The following MAML3 variants were observed in gnomAD, a reference collection of about 807,000 sequenced individuals.
The protein encoded by MAML3 is mastermind like transcriptional coactivator 3.
In MAML3, 27 loss-of-function variants were observed where a neutral mutation model predicts 101.9. That is an observed-to-expected ratio of 0.27 (90% confidence interval 0.20 to 0.37). The LOEUF (loss-of-function observed/expected upper bound fraction) is 0.37. MAML3 is among the 10% of genes least tolerant of loss of function. MAML3 has a pLI of 1.00. For synonymous variants in MAML3, 501 were observed against 555.9 expected, an observed-to-expected ratio of 0.90 and a Z score of 1.39; for missense variants, 1,316 against 1,444.9, an observed-to-expected ratio of 0.91 and a Z score of 1.45.
chr4:139,974,490 T>A (rs896180454), intron 1 of MAML3, among the ~76,000 whole-genome samples: 1 of 152,198 alleles, frequency 6.6e-6, no homozygotes, highest in African/African-American at 2.4e-5. Flanking sequence ...TAAGGCATGT[T>A]ATCATTCCTT....
intron 1 of MAML3, among the ~76,000 whole-genome samples, chr4:140,071,755 TAGAG>T (rs11268401): frequency 0.056 from 7,664 of 137,214 alleles, 220 homozygotes; most frequent in Non-Finnish European, 0.077. Flanking sequence ...GGACCAGGAT[TAGAG>T]AGAGAGAGAG....
At chr4:139,987,031 G>A (rs1187361520) in intron 1 of MAML3, among the ~76,000 whole-genome samples, 2 of 152,152 alleles carry the variant, frequency 1.3e-5, no homozygotes, top group Admixed American at 6.5e-5. Context: ...GAGGGCTGCC[G>A]ACCTGCCACT....
At chr4:140,074,345 C>T (rs116278412) in intron 1 of MAML3, among the ~76,000 whole-genome samples, 412 of 152,266 alleles carry the variant, frequency 2.7e-3, no homozygotes, top group African/African-American at 9.0e-3. Context: ...CTACCAGCAA[C>T]CCCCTGGTCC....
chr4:140,124,110 G>A (rs1410838772), intron 1 of MAML3, among the ~76,000 whole-genome samples: 6 of 152,194 alleles, frequency 3.9e-5, no homozygotes, highest in Admixed American at 2.0e-4. Flanking sequence ...ACCTTGAGTA[G>A]TCAAAATGCC....
chr4:139,776,560 CT>C (rs966917729), intron 2 of MAML3, among the ~76,000 whole-genome samples: 1 of 152,188 alleles, frequency 6.6e-6, no homozygotes, highest in African/African-American at 2.4e-5. Flanking sequence ...ATCAGAGGCT[CT>C]TAGGTAGACT....
intron 1 of MAML3, among the ~76,000 whole-genome samples, chr4:139,910,691 G>T (rs189285052): frequency 2.1e-3 from 322 of 152,208 alleles, no homozygotes; most frequent in African/African-American, 7.2e-3. Context: ...AGGAAAAAAG[G>T]CATCATAGGT....
intron 2 of MAML3, among the ~76,000 whole-genome samples, chr4:139,741,078 C>A (rs565568587): frequency 6.6e-6 from 1 of 152,314 alleles, no homozygotes; most frequent in South Asian, 2.1e-4. Context: ...TTTCCCCACC[C>A]TCGGCCCCCA....
At chr4:139,940,307 TTTCTC>T (rs1733578354) in intron 1 of MAML3, among the ~76,000 whole-genome samples, 2 of 152,202 alleles carry the variant, frequency 1.3e-5, no homozygotes, top group Non-Finnish European at 1.5e-5. Flanking sequence ...GGAAGCTTGT[TTTCTC>T]TACGTGTATC....
intron 1 of MAML3, among the ~76,000 whole-genome samples, chr4:140,017,899 T>C (rs1465177146): frequency 2.0e-5 from 3 of 151,990 alleles, no homozygotes; most frequent in South Asian, 2.1e-4. Context: ...TATTATAGTT[T>C]TTTAAAATAT....
intron 2 of MAML3, among the ~76,000 whole-genome samples, chr4:139,885,793 C>T (rs562112258): frequency 2.0e-5 from 3 of 149,282 alleles, no homozygotes; most frequent in Non-Finnish European, 3.0e-5. Context: ...ATTAGCCAGG[C>T]GTGCCGGCAG....
chr4:139,801,055 G>C (rs1275323695), intron 2 of MAML3, among the ~76,000 whole-genome samples: 1 of 152,212 alleles, frequency 6.6e-6, no homozygotes, highest in African/African-American at 2.4e-5. Context: ...GATCCAGTTG[G>C]AATCTGCTTA....
chr4:139,885,767 C>CAA (rs372757658), intron 2 of MAML3, among the ~76,000 whole-genome samples: 8 of 131,666 alleles, frequency 6.1e-5, no homozygotes, highest in African/African-American at 2.0e-4. Context: ...ACTAAACATA[C>CAA]AAAAAAAAAA....
At chr4:139,828,288 T>C (rs1731097772) in intron 2 of MAML3, among the ~76,000 whole-genome samples, 1 of 152,098 alleles carries the variant, frequency 6.6e-6, no homozygotes, top group Non-Finnish European at 1.5e-5. Flanking sequence ...CCTGAGCTTC[T>C]TAAAAAGCAT....
intron 2 of MAML3, among the ~76,000 whole-genome samples, chr4:139,743,622 T>C (rs545788666): frequency 2.0e-5 from 3 of 152,286 alleles, no homozygotes; most frequent in South Asian, 4.1e-4. Context: ...ACCTGGAAAC[T>C]GAACTTGAAA....
intron 1 of MAML3, among the ~76,000 whole-genome samples, chr4:140,147,547 G>A (rs190429617): frequency 2.6e-3 from 396 of 152,258 alleles, no homozygotes; most frequent in Non-Finnish European, 3.1e-3. Flanking sequence ...AGCAGCCAGG[G>A]GATCTGAAAA....
chr4:140,007,758 A>G (rs1262981794), intron 1 of MAML3, among the ~76,000 whole-genome samples: 1 of 152,114 alleles, frequency 6.6e-6, no homozygotes, highest in East Asian at 1.9e-4. Context: ...CCAGGCTGCA[A>G]TTCTTGACCC....
chr4:139,898,778 C>A (rs551775888), intron 1 of MAML3, among the ~76,000 whole-genome samples: 2 of 152,298 alleles, frequency 1.3e-5, no homozygotes, highest in African/African-American at 4.8e-5. Flanking sequence ...AGCCTATGAA[C>A]ACATGGATGA....
chr4:139,727,299 G>C (rs1200171085), intron 3 of MAML3, among the ~76,000 whole-genome samples: 1 of 152,206 alleles, frequency 6.6e-6, no homozygotes, highest in East Asian at 1.9e-4. Context: ...TTAAAGTGTA[G>C]ACAAGAAACC....
chr4:139,969,514 G>A (rs1320452566), intron 1 of MAML3, among the ~76,000 whole-genome samples: 2 of 152,030 alleles, frequency 1.3e-5, no homozygotes, highest in Non-Finnish European at 2.9e-5. Context: ...TTCCACATTT[G>A]ATAATTTACA....
Sources: allele counts gnomAD v4.1 joint callset (sites outside exome capture counted in the v4.1 genomes callset), GRCh38; gene constraint gnomAD v4.1.1; transcripts MANE v1.5; gene names NCBI Gene and HGNC (gene_info 2026-07-23, HGNC 2026-07-21).